Variants in IKZF1 observed in about 807,000 individuals in gnomAD.
The protein encoded by IKZF1 is IKAROS family zinc finger 1, also known as DNA-binding protein Ikaros.
In IKZF1, 10 loss-of-function variants were observed where a neutral mutation model predicts 51.7. The ratio of observed to expected loss-of-function variants is 0.19; its 90% CI spans 0.12 to 0.33. The LOEUF (loss-of-function observed/expected upper bound fraction) is 0.33. IKZF1 is among the 10% of genes least tolerant of loss of function. The pLI is 1.00. For missense variants in IKZF1, 484 were observed against 707.5 expected (o/e 0.68, Z 3.58); for synonymous variants, 280 against 282.3 (o/e 0.99, Z 0.08).
At chr7:50,330,626 T>C (rs1376104274) in intron 3 of IKZF1, among the ~76,000 whole-genome samples, 3 of 152,182 alleles carry the variant, frequency 2.0e-5, no homozygotes, top group African/African-American at 7.2e-5. Flanking sequence ...CTTTCATATG[T>C]GGTGACAGGC....
chr7:50,379,224 T>A (rs1249434255), intron 4 of IKZF1, among the ~76,000 whole-genome samples: 1 of 152,158 alleles, frequency 6.6e-6, no homozygotes, highest in Non-Finnish European at 1.5e-5. Context: ...AACAGGGCCA[T>A]TCAGAGGGCT....
At chr7:50,392,112 G>C (rs1023362550) in intron 7 of IKZF1, among the ~76,000 whole-genome samples, 7 of 152,250 alleles carry the variant, frequency 4.6e-5, no homozygotes, top group African/African-American at 1.7e-4. Context: ...TGATCTGCCT[G>C]TGGACATCGC....
chr7:50,368,326 T>A lies in IKZF1; in HGVS notation c.161-8207T>A, dbSNP rs770221477. 5.7e-5 allele frequency: 40 copies of A among 703,332 alleles called. 1 individual carries two copies. The South Asian group carries it at 5.9e-4, about 10-fold the overall frequency. The allele number at this position is 703,332 out of a possible 1,614,324, so 43.6% of individuals were successfully genotyped here. Reference sequence around the variant, plus strand: ...AGTCACAGTAGCACTGATGGGATTGTTACTTCGCAGATGCTGCTGGACAGC... The same window carrying A: ...AGTCACAGTAGCACTGATGGGATTGATACTTCGCAGATGCTGCTGGACAGC... On this transcript the variant is annotated intron_variant, in intron 3 of 7. Coordinates refer to ENST00000331340, the MANE Select transcript of IKZF1 (RefSeq NM_006060.6).
intron 3 of IKZF1, among the ~76,000 whole-genome samples, chr7:50,351,860 T>TC (rs528456491): frequency 3.8e-4 from 58 of 151,794 alleles, no homozygotes; most frequent in Admixed American, 5.9e-4. Flanking sequence ...TACTAACAAT[T>TC]CCCCCCCGCC....
At chr7:50,393,537 A>G (rs1156568578) in intron 7 of IKZF1, among the ~76,000 whole-genome samples, 1 of 152,174 alleles carries the variant, frequency 6.6e-6, no homozygotes, top group Admixed American at 6.5e-5. Context: ...GAGGTTTGTC[A>G]TAGGTTGGGG....
At chr7:50,354,614 T>C (rs1035668134) in intron 3 of IKZF1, among the ~76,000 whole-genome samples, 1 of 152,208 alleles carries the variant, frequency 6.6e-6, no homozygotes, top group African/African-American at 2.4e-5. Flanking sequence ...GGTTGAGAGA[T>C]GAGAAATACT....
rs147845446 is a variant in IKZF1, at chr7:50,403,219, T to C, written c.*2592T>C. The C allele has an allele frequency of 1.2e-3, 260 of 220,580 alleles. 2 individuals carry two copies. The highest frequency in any genetic ancestry group is 5.7e-3 in the African/African-American group (253 of 44,738). 13.7% of individuals were successfully genotyped at this position (220,580 alleles called of 1,614,324 possible). ...CTATTGTATTTAAAGTAAGGTTTCA[T>C]ATTATGTCAGCAAGTAATTAACTTA... On this transcript the variant is annotated 3_prime_UTR_variant, in exon 8 of 8. Coordinates refer to ENST00000331340, the MANE Select transcript of IKZF1 (RefSeq NM_006060.6).
intron 3 of IKZF1, among the ~76,000 whole-genome samples, chr7:50,349,297 T>G (rs1801215359): frequency 6.6e-6 from 1 of 152,222 alleles, no homozygotes; most frequent in African/African-American, 2.4e-5. Context: ...AGTCTAGTTT[T>G]TCTTGCGAAG....
intron 3 of IKZF1, among the ~76,000 whole-genome samples, chr7:50,335,209 T>G (rs1797373572): frequency 6.7e-6 from 1 of 149,032 alleles, no homozygotes. Flanking sequence ...GATATGTATA[T>G]GGGATGTATG....
rs1246513787 is a variant in IKZF1, at chr7:50,402,577, C to G, written c.*1950C>G. 4.3e-6 allele frequency: 1 copy of G among 232,212 alleles called. No homozygotes were observed. The highest frequency in any genetic ancestry group is 2.2e-5 in the African/African-American group (1 of 45,290). The allele number at this position is 232,212 out of a possible 1,614,324, so 14.4% of individuals were successfully genotyped here. A position where few individuals can be genotyped will look rare whatever the true frequency, so the allele number is the denominator to read the frequency against. On this transcript the variant is annotated 3_prime_UTR_variant, in exon 8 of 8. Coordinates refer to ENST00000331340, the MANE Select transcript of IKZF1 (RefSeq NM_006060.6). ...CTCCAAGAAAAAAAATAGAAAAGCA[C>G]TTGAAGAATATTCCCAATATTCCCG... is the stretch of plus-strand genomic sequence containing the variant.
chr7:50,318,523 G>A (rs1052581093), intron 1 of IKZF1: 5 of 225,472 alleles, frequency 2.2e-5, no homozygotes, highest in African/African-American at 1.1e-4. Context: ...ATTCATTATT[G>A]ATGGAGGTAG....
intron 4 of IKZF1, among the ~76,000 whole-genome samples, chr7:50,378,951 TAGAAAA>T (rs1811058192): frequency 1.3e-5 from 2 of 152,278 alleles, no homozygotes; most frequent in Non-Finnish European, 2.9e-5. Context: ...CTAGACATGC[TAGAAAA>T]GGTTTTCATT....
intron 4 of IKZF1, among the ~76,000 whole-genome samples, chr7:50,379,025 T>C (rs928792668): frequency 6.6e-6 from 1 of 152,264 alleles, no homozygotes; most frequent in Non-Finnish European, 1.5e-5. Context: ...TTCTCTATGC[T>C]TAAAACATTT....
At chr7:50,359,321 T>C (rs1375533555) in intron 3 of IKZF1, among the ~76,000 whole-genome samples, 1 of 152,232 alleles carries the variant, frequency 6.6e-6, no homozygotes, top group East Asian at 1.9e-4. Context: ...CTCAGAAATC[T>C]CTACAGGTGT....
At chr7:50,335,315 T>C (rs1797404787) in intron 3 of IKZF1, among the ~76,000 whole-genome samples, 2 of 149,244 alleles carry the variant, frequency 1.3e-5, no homozygotes, top group African/African-American at 5.0e-5. Flanking sequence ...ATGTGTGGTA[T>C]GTGGTGTGTA....
chr7:50,383,311 C>T, intron 5 of IKZF1, among the ~76,000 whole-genome samples: 1 of 152,204 alleles, frequency 6.6e-6, no homozygotes, highest in East Asian at 1.9e-4. Flanking sequence ...AGTTAAAGTA[C>T]AACCCACATA....
chr7:50,337,595 C>G (rs1798091140), intron 3 of IKZF1, among the ~76,000 whole-genome samples: 1 of 152,174 alleles, frequency 6.6e-6, no homozygotes, highest in African/African-American at 2.4e-5. Context: ...TGGGCATCCC[C>G]CAGCCTAGAG....
At chr7:50,383,798 C>G (rs1490464035) in intron 5 of IKZF1, among the ~76,000 whole-genome samples, 1 of 152,222 alleles carries the variant, frequency 6.6e-6, no homozygotes, top group Non-Finnish European at 1.5e-5. Context: ...TAAGGAGGAG[C>G]CTCCCTCAGG....
In IKZF1 at chr7:50,327,548, C is replaced by T. The variant is rs1409343381; in HGVS notation, c.41-90C>T. ...ACTGGCTCCACCCAGTACCTGCCTC[C>T]TCATGCCACCCTCTCAAGCCAAAAG... On this transcript the variant is annotated intron_variant, in intron 2 of 7. Transcript: ENST00000331340. 3.4e-6 allele frequency: 5 copies of T among 1,460,760 alleles called. No homozygotes were observed. In the African/African-American group the frequency reaches 5.7e-5, roughly 17 times the overall value. The allele number at this position is 1,460,760 out of a possible 1,614,324, so 90.5% of individuals were successfully genotyped here.
Sources: allele counts gnomAD v4.1 joint callset (sites outside exome capture counted in the v4.1 genomes callset), GRCh38; gene constraint gnomAD v4.1.1; transcripts MANE v1.5; gene names NCBI Gene and HGNC (gene_info 2026-07-23, HGNC 2026-07-21).